Variants in ADGRB3 observed in about 807,000 individuals in gnomAD.
ADGRB3 encodes the protein brain-specific angiogenesis inhibitor 3.
A neutral mutation model predicts 193.4 loss-of-function variants in ADGRB3; 37 were observed. The ratio of observed to expected loss-of-function variants is 0.19; its 90% CI spans 0.15 to 0.25. The LOEUF is 0.25. Among genes scored for constraint, ADGRB3 ranks in the 10% least tolerant of loss-of-function variants. The pLI, the probability that ADGRB3 is intolerant of heterozygous loss-of-function variation, is 1.00. For synonymous variants in ADGRB3, 690 were observed against 644.2 expected, an observed-to-expected ratio of 1.07 and a Z score of -1.08; for missense variants, 1,637 against 1,852.9, an observed-to-expected ratio of 0.88 and a Z score of 2.14.
chr6:68,979,309 G>T (rs560340038), intron 10 of ADGRB3, among the ~76,000 whole-genome samples: 3 of 151,306 alleles, frequency 2.0e-5, no homozygotes, highest in Non-Finnish European at 4.4e-5. Context: ...CACATGAAAG[G>T]AACAAGTATA....
At position 69,070,133 on chromosome 6, in the gene ADGRB3, A is replaced by C. The variant is rs1026835881; in HGVS notation, c.2437-5862A>C. ...TATGATGAAGTCACTGCCCTTCTTC[A>C]TGCCCTTAGCTGCCTTGCCTATTTA... On this transcript the variant is annotated intron_variant, in intron 16 of 31. Transcript: ENST00000370598. Among the ~76,000 whole-genome samples, 43 of 152,156 alleles carry C rather than the reference A, an allele frequency of 2.8e-4. 1 individual carries two copies. Among genetic ancestry groups the C allele is most frequent in the Admixed American group, 2.8e-3 (43 of 15,266 alleles).
Position 69,388,970 on chromosome 6 carries a change from C to A in ADGRB3, c.*79C>A. ...GACTTGGGAAGCCTGACATTTCTAT[C>A]TGGACAGTGTGACTATCTTATGTCA... On this transcript the variant is annotated 3_prime_UTR_variant, in exon 32 of 32. Transcript: ENST00000370598. 7.2e-7 allele frequency: 1 copy of A among 1,386,944 alleles called. No individual in the cohort carries two copies. Among genetic ancestry groups the A allele is most frequent in the Non-Finnish European group, 9.8e-7 (1 of 1,022,122 alleles). 85.9% of individuals were successfully genotyped at this position (1,386,944 alleles called of 1,614,324 possible).
chr6:69,336,547 A>AT (rs1411182112), intron 24 of ADGRB3, among the ~76,000 whole-genome samples: 1 of 152,008 alleles, frequency 6.6e-6, no homozygotes, highest in Non-Finnish European at 1.5e-5. Flanking sequence ...GAACTTGTAG[A>AT]TTTTAAGACC....
intron 3 of ADGRB3, among the ~76,000 whole-genome samples, chr6:68,725,342 A>G (rs1765654179): frequency 6.6e-6 from 1 of 151,698 alleles, no homozygotes; most frequent in Admixed American, 6.6e-5. Context: ...TTTGTTGTAG[A>G]AAGAGAATCC....
intron 20 of ADGRB3, among the ~76,000 whole-genome samples, chr6:69,313,725 CA>C (rs1421609439): frequency 6.6e-6 from 1 of 151,696 alleles, no homozygotes; most frequent in Non-Finnish European, 1.5e-5. Flanking sequence ...TTACAGTTTA[CA>C]ACATGGTTTT....
chr6:69,217,873 T>C (rs76683818), intron 17 of ADGRB3, among the ~76,000 whole-genome samples: 304 of 151,944 alleles, frequency 2.0e-3, no homozygotes, highest in African/African-American at 6.9e-3. Flanking sequence ...ATAGCATTTT[T>C]CCCCAGCTTT....
intron 20 of ADGRB3, among the ~76,000 whole-genome samples, chr6:69,259,093 A>T (rs1395420261): frequency 6.6e-6 from 1 of 152,166 alleles, no homozygotes; most frequent in Non-Finnish European, 1.5e-5. Context: ...AAACACTTTG[A>T]CCTTCCTGGA....
intron 3 of ADGRB3, among the ~76,000 whole-genome samples, chr6:68,844,227 A>G (rs542261318): frequency 2.0e-4 from 31 of 152,162 alleles, no homozygotes; most frequent in Non-Finnish European, 4.1e-4. Flanking sequence ...AACAAAATGA[A>G]GAGACAACTC....
At chr6:68,837,016 T>C (rs1011391881) in intron 3 of ADGRB3, among the ~76,000 whole-genome samples, 13 of 152,202 alleles carry the variant, frequency 8.5e-5, no homozygotes, top group African/African-American at 2.7e-4. Context: ...TTTAGCTTTT[T>C]CTTTCTCCAA....
chr6:68,850,621 A>G (rs1441097535), intron 3 of ADGRB3, among the ~76,000 whole-genome samples: 1 of 152,052 alleles, frequency 6.6e-6, no homozygotes. Flanking sequence ...TGGGAAAATA[A>G]TATTATAGAT....
At chr6:68,785,906 A>G (rs892318338) in intron 3 of ADGRB3, among the ~76,000 whole-genome samples, 1 of 152,186 alleles carries the variant, frequency 6.6e-6, no homozygotes, top group Non-Finnish European at 1.5e-5. Flanking sequence ...TCTGATGGCC[A>G]GTGATGATGA....
chr6:69,141,703 T>A (rs1774347165), intron 17 of ADGRB3, among the ~76,000 whole-genome samples: 1 of 152,138 alleles, frequency 6.6e-6, no homozygotes, highest in Non-Finnish European at 1.5e-5. Context: ...GATCTAAGTT[T>A]CTACTTTGGA....
intron 3 of ADGRB3, among the ~76,000 whole-genome samples, chr6:68,864,014 A>G (rs994174689): frequency 6.6e-6 from 1 of 152,158 alleles, no homozygotes; most frequent in African/African-American, 2.4e-5. Flanking sequence ...GATCATTATA[A>G]TTCAGTATTT....
At chr6:68,650,204 G>A (rs909325477) in intron 3 of ADGRB3, among the ~76,000 whole-genome samples, 2 of 152,080 alleles carry the variant, frequency 1.3e-5, no homozygotes, top group Non-Finnish European at 2.9e-5. Flanking sequence ...GCAGATGGGC[G>A]CACAGAGTAG....
chr6:69,194,610 CAT>C (rs918288778), intron 17 of ADGRB3, among the ~76,000 whole-genome samples: 5 of 152,064 alleles, frequency 3.3e-5, no homozygotes, highest in African/African-American at 9.7e-5. Context: ...TATTATGAGT[CAT>C]GTGATGGTTA....
chr6:69,234,979 T>C, intron 18 of ADGRB3, 53 bp from the exon 19 acceptor site: 1 of 1,420,772 alleles, frequency 7.0e-7, no homozygotes, highest in South Asian at 1.2e-5. Context: ...CTAGAAGTTA[T>C]TTTAATTTAT....
At chr6:68,702,559 C>T (rs1765258604) in intron 3 of ADGRB3, among the ~76,000 whole-genome samples, 1 of 152,130 alleles carries the variant, frequency 6.6e-6, no homozygotes, top group Admixed American at 6.5e-5. Flanking sequence ...GTCAGTGAGA[C>T]AGCCTACAGG....
At chr6:68,697,647 T>A (rs370124666) in intron 3 of ADGRB3, among the ~76,000 whole-genome samples, 1 of 151,966 alleles carries the variant, frequency 6.6e-6, no homozygotes, top group African/African-American at 2.4e-5. Flanking sequence ...TCTCTTTTAG[T>A]GAAACAAACT....
chr6:68,785,172 G>A (rs6902378), intron 3 of ADGRB3, among the ~76,000 whole-genome samples: 1 of 151,614 alleles, frequency 6.6e-6, no homozygotes, highest in Non-Finnish European at 1.5e-5. Context: ...TATTATTATT[G>A]TACTTTAAGT....
Sources: allele counts gnomAD v4.1 joint callset (sites outside exome capture counted in the v4.1 genomes callset), GRCh38; gene constraint gnomAD v4.1.1; transcripts MANE v1.5; gene names NCBI Gene and HGNC (gene_info 2026-07-23, HGNC 2026-07-21).